The following KCNK10 variants were observed in gnomAD, a reference collection of about 807,000 sequenced individuals.
KCNK10 encodes potassium channel subfamily K member 10.
Under a neutral mutation model 47.7 loss-of-function variants are expected in KCNK10, and 25 were observed. The ratio of observed to expected loss-of-function variants is 0.52; its 90% confidence interval spans 0.38 to 0.73. The LOEUF (loss-of-function observed/expected upper bound fraction) is 0.73, where lower values mean the gene tolerates loss of function less well. KCNK10 is among the 30% of genes least tolerant of loss of function. The pLI is 0.00. For synonymous variants in KCNK10, 303 were observed against 285.6 expected, an observed-to-expected ratio of 1.06 and a Z score of -0.61; for missense variants, 563 against 714.5, an observed-to-expected ratio of 0.79 and a Z score of 2.42.
intron 4 of KCNK10, among the ~76,000 whole-genome samples, chr14:88,207,157 A>C (rs942040363): frequency 2.7e-5 from 4 of 150,284 alleles, no homozygotes; most frequent in African/African-American, 9.8e-5. Flanking sequence ...TTTCGATTTC[A>C]AGGTCACTCT....
At position 88,180,651 on chromosome 14, in the gene KCNK10, A is replaced by G; in HGVS notation, c.*4884T>C. On this transcript the variant is annotated 3_prime_UTR_variant, in exon 7 of 7. Transcript: ENST00000319231. ...AGATACCAAATCTCAGGCACCTGTG[A>G]AAATGATAATAACTTTCAGTAAAAT... The G allele has an allele frequency of 2.5e-6, 1 of 397,664 alleles. No homozygotes were observed. Among genetic ancestry groups the G allele is most frequent in the Non-Finnish European group, 4.4e-6 (1 of 225,714 alleles). The allele number at this position is 397,664 out of a possible 1,614,324, so 24.6% of individuals were successfully genotyped here. A position where few individuals can be genotyped will look rare whatever the true frequency, so the allele number is the denominator to read the frequency against.
chr14:88,199,006 G>C (rs1163910753), intron 4 of KCNK10, among the ~76,000 whole-genome samples: 1 of 151,366 alleles, frequency 6.6e-6, no homozygotes, highest in East Asian at 1.9e-4. Flanking sequence ...TGCAACTTCC[G>C]CCTCCCAGGT....
chr14:88,273,836 A>G (rs1887464324), intron 1 of KCNK10, among the ~76,000 whole-genome samples: 2 of 152,326 alleles, frequency 1.3e-5, no homozygotes, highest in South Asian at 4.1e-4. Context: ...CACAATTTAA[A>G]TTAACTAGCG....
chr14:88,283,663 G>A (rs1357322920), intron 1 of KCNK10, among the ~76,000 whole-genome samples: 1 of 152,226 alleles, frequency 6.6e-6, no homozygotes, highest in East Asian at 1.9e-4. Context: ...TGTAATCCCA[G>A]TACTTTGGGA....
At chr14:88,193,462 A>G (rs1884814690) in intron 4 of KCNK10, among the ~76,000 whole-genome samples, 1 of 152,188 alleles carries the variant, frequency 6.6e-6, no homozygotes. Flanking sequence ...AATTCTCAGA[A>G]TTGGTGCTGG....
At chr14:88,306,172 G>A (rs1161268143) in intron 1 of KCNK10, among the ~76,000 whole-genome samples, 1 of 152,198 alleles carries the variant, frequency 6.6e-6, no homozygotes, top group Non-Finnish European at 1.5e-5. Flanking sequence ...TAAACCCAGA[G>A]CAGGAATGGG....
intron 5 of KCNK10, among the ~76,000 whole-genome samples, chr14:88,191,184 G>A (rs1179198447): frequency 1.3e-5 from 2 of 151,946 alleles, no homozygotes; most frequent in East Asian, 1.9e-4. Context: ...CCAGAGGTCC[G>A]AGGCTGCAGT....
chr14:88,193,935 A>G (rs1032782738), intron 4 of KCNK10, among the ~76,000 whole-genome samples: 10 of 152,220 alleles, frequency 6.6e-5, no homozygotes, highest in Admixed American at 4.6e-4. Context: ...CCTTCTGTGA[A>G]GGAAGACTGA....
At chr14:88,187,837 A>C in intron 6 of KCNK10, 130 bp downstream of exon 6, 3 of 804,466 alleles carry the variant, frequency 3.7e-6, no homozygotes, top group African/African-American at 1.7e-5. Context: ...GAGGAAGCCT[A>C]TGACCCGCCC....
At chr14:88,223,823 T>C (rs1459926457) in intron 4 of KCNK10, among the ~76,000 whole-genome samples, 3 of 152,204 alleles carry the variant, frequency 2.0e-5, no homozygotes, top group African/African-American at 7.2e-5. Flanking sequence ...TTCTGGTGAA[T>C]TCACTTTTGG....
intron 4 of KCNK10, among the ~76,000 whole-genome samples, chr14:88,216,432 C>T (rs756389932): frequency 2.6e-5 from 4 of 152,264 alleles, no homozygotes; most frequent in South Asian, 2.1e-4. Flanking sequence ...GTCATAACTG[C>T]GGGCAGTGAT....
intron 2 of KCNK10, among the ~76,000 whole-genome samples, chr14:88,247,476 G>T (rs1475534412): frequency 2.0e-5 from 3 of 152,212 alleles, no homozygotes; most frequent in African/African-American, 4.8e-5. Context: ...TTACAATGAC[G>T]TGTATTTTCC....
At chr14:88,214,382 A>G (rs1321198008) in intron 4 of KCNK10, among the ~76,000 whole-genome samples, 1 of 152,178 alleles carries the variant, frequency 6.6e-6, no homozygotes, top group Non-Finnish European at 1.5e-5. Flanking sequence ...TCCTGTTTTT[A>G]ACATTAAGCA....
intron 4 of KCNK10, among the ~76,000 whole-genome samples, chr14:88,212,663 C>T (rs1194016277): frequency 1.3e-5 from 2 of 152,100 alleles, no homozygotes; most frequent in African/African-American, 4.8e-5. Flanking sequence ...TAGGGGTCCA[C>T]CACCTATAGG....
chr14:88,213,702 G>T (rs1433186548), intron 4 of KCNK10, among the ~76,000 whole-genome samples: 1 of 152,056 alleles, frequency 6.6e-6, no homozygotes, highest in African/African-American at 2.4e-5. Context: ...TTTCTAGATA[G>T]TTTCCTCTAT....
Position 88,271,014 on chromosome 14 carries a change from A to T in KCNK10, c.53-7463T>A, listed in dbSNP as rs1225452949. ...CTTTGCCCCAGCCAAACCCAGCAGC[A>T]CCCAGACCCGCTCACACCTGTCCCA... On this transcript the variant is annotated intron_variant, in intron 1 of 6. Coordinates refer to ENST00000319231, the MANE Select transcript of KCNK10 (RefSeq NM_138317.3). 5 of 589,800 alleles carry T rather than the reference A, an allele frequency of 8.5e-6. No individual in the cohort carries two copies. In the Admixed American group the frequency reaches 8.9e-5, roughly 10 times the overall value. The allele number at this position is 589,800 out of a possible 1,614,324, so 36.5% of individuals were successfully genotyped here.
At chr14:88,312,509 A>T (rs1432653044) in intron 1 of KCNK10, among the ~76,000 whole-genome samples, 1 of 152,212 alleles carries the variant, frequency 6.6e-6, no homozygotes, top group Non-Finnish European at 1.5e-5. Context: ...GACACACACC[A>T]GACACCCCAT....
Position 88,184,650 on chromosome 14 carries a change from T to C in KCNK10, c.*885A>G, listed in dbSNP as rs1034888202. 2 of 152,352 alleles carry C rather than the reference T, an allele frequency of 1.3e-5. No individual in the cohort carries two copies. The highest frequency in any genetic ancestry group is 2.4e-5 in the African/African-American group (1 of 41,462). The allele number at this position is 152,352 out of a possible 1,614,324, so 9.4% of individuals were successfully genotyped here. On this transcript the variant is annotated 3_prime_UTR_variant, in exon 7 of 7. Transcript: ENST00000319231. ...TCATGCAAGGCAATTGTTTTGGTAT[T>C]TCTACCCCTCTTATCAAAACAAGTT...
chr14:88,244,774 G>A (rs192466928), intron 2 of KCNK10, among the ~76,000 whole-genome samples: 9 of 152,250 alleles, frequency 5.9e-5, no homozygotes, highest in East Asian at 1.9e-4. Context: ...AACTGAGCTC[G>A]GAACAGTTTA....
Sources: gnomAD v4.1 joint callset for allele counts (sites outside exome capture counted in the v4.1 genomes callset) on GRCh38, gnomAD v4.1.1 for gene constraint, MANE v1.5 for transcripts, NCBI Gene and HGNC (gene_info 2026-07-23, HGNC 2026-07-21) for gene names.